The following JMJD1C variants were observed in gnomAD, a reference collection of about 807,000 sequenced individuals.
The protein encoded by JMJD1C is jumonji domain-containing protein 1C.
JMJD1C carries 31 observed loss-of-function variants against 245.3 expected under a neutral mutation model. The ratio of observed to expected loss-of-function variants is 0.13; its 90% confidence interval spans 0.09 to 0.17. The LOEUF (loss-of-function observed/expected upper bound fraction) is 0.17. JMJD1C is among the 10% of genes least tolerant of loss of function. JMJD1C has a pLI of 1.00. For synonymous variants in JMJD1C, 1,057 were observed against 1,017.4 expected, an observed-to-expected ratio of 1.04 and a Z score of -0.74; for missense variants, 2,691 against 3,000.2, an observed-to-expected ratio of 0.90 and a Z score of 2.41.
At chr10:63,396,317 G>T (rs1327678791) in intron 1 of JMJD1C, among the ~76,000 whole-genome samples, 2 of 152,124 alleles carry the variant, frequency 1.3e-5, no homozygotes, top group Non-Finnish European at 2.9e-5. Flanking sequence ...GAAGATTACT[G>T]AACTTATACC....
At chr10:63,397,415 G>A (rs1948576647) in intron 1 of JMJD1C, among the ~76,000 whole-genome samples, 1 of 151,998 alleles carries the variant, frequency 6.6e-6, no homozygotes, top group African/African-American at 2.4e-5. Flanking sequence ...GTTTCTCCTT[G>A]TTGGCCAGGC....
At chr10:63,334,941 C>T (rs1257548942) in intron 2 of JMJD1C, among the ~76,000 whole-genome samples, 1 of 149,390 alleles carries the variant, frequency 6.7e-6, no homozygotes, top group African/African-American at 2.5e-5. Context: ...CTCCTGACCT[C>T]AGGTGATCCT....
chr10:63,445,016 C>T (rs1951621714), intron 1 of JMJD1C, among the ~76,000 whole-genome samples: 1 of 151,942 alleles, frequency 6.6e-6, no homozygotes, highest in Non-Finnish European at 1.5e-5. Flanking sequence ...CGCTTGAGGC[C>T]AGGAGTTCAA....
chr10:63,228,346 T>C (rs1849556259), intron 3 of JMJD1C, among the ~76,000 whole-genome samples: 1 of 152,190 alleles, frequency 6.6e-6, no homozygotes, highest in East Asian at 1.9e-4. Flanking sequence ...TGAGTTTTTT[T>C]CAACTGTTTA....
chr10:63,361,243 C>T (rs1247839216), intron 2 of JMJD1C, among the ~76,000 whole-genome samples: 2 of 151,950 alleles, frequency 1.3e-5, no homozygotes, highest in African/African-American at 4.8e-5. Flanking sequence ...GCCAACATGG[C>T]GAAACCCTGT....
At chr10:63,172,183 T>G (rs1173981243) in intron 24 of JMJD1C, among the ~76,000 whole-genome samples, 1 of 152,228 alleles carries the variant, frequency 6.6e-6, no homozygotes, top group Non-Finnish European at 1.5e-5. Context: ...TCATATATGC[T>G]GCCTTGGTGT....
At chr10:63,194,456 TA>T in intron 13 of JMJD1C, 81 bp from the exon 14 acceptor site, 1 of 940,820 alleles carries the variant, frequency 1.1e-6, no homozygotes, top group Non-Finnish European at 1.7e-6. Flanking sequence ...AACGATTATA[TA>T]AAATGTTTCA....
intron 23 of JMJD1C, 49 bp downstream of exon 23, chr10:63,177,667 AT>A: frequency 6.3e-7 from 1 of 1,592,004 alleles, no homozygotes; most frequent in South Asian, 1.1e-5. Context: ...GCAACAATGA[AT>A]AAGTCCTTGC....
chr10:63,208,021 G>T lies in JMJD1C; in HGVS notation c.3648C>A (p.Ser1216Arg). Residue 1216 changes from serine (S) to arginine (R), a missense_variant, in exon 10 of 26, where the codon AGC (serine) becomes AGA (arginine). Transcript: ENST00000399262. ...APVFHPPIHHSLERKEGSYSS... is the reference protein window; with the variant it reads ...APVFHPPIHHRLERKEGSYSS... ...TATAGCTGCCTTCCTTTCTTTCCAG[G>T]CTGTGATGGATTGGTGGGTGAAATA... is the stretch of plus-strand genomic sequence containing the variant. 6.2e-7 allele frequency: 1 copy of T among 1,614,148 alleles called. No homozygotes were observed. The highest frequency in any genetic ancestry group is 8.5e-7 in the Non-Finnish European group (1 of 1,180,008).
chr10:63,353,040 G>C (rs1343516425), intron 2 of JMJD1C, among the ~76,000 whole-genome samples: 4 of 152,076 alleles, frequency 2.6e-5, no homozygotes, highest in African/African-American at 4.8e-5. Context: ...AGAGACTGAT[G>C]GTCATCAAAC....
intron 2 of JMJD1C, among the ~76,000 whole-genome samples, chr10:63,280,962 C>CTTTTT (rs200324748): frequency 3.5e-5 from 5 of 143,818 alleles, no homozygotes; most frequent in East Asian, 4.0e-4. Flanking sequence ...ACCTCTTTTT[C>CTTTTT]TTTTTTTTTT....
intron 15 of JMJD1C, 64 bp from the exon 16 acceptor site, chr10:63,193,215 T>C (rs1345723509): frequency 2.0e-6 from 3 of 1,495,318 alleles, no homozygotes; most frequent in Middle Eastern, 2.0e-4. Context: ...GTAGTATAGA[T>C]ACAAAAAATT....
chr10:63,252,320 G>T, intron 3 of JMJD1C, among the ~76,000 whole-genome samples: 1 of 152,196 alleles, frequency 6.6e-6, no homozygotes, highest in Non-Finnish European at 1.5e-5. Context: ...TGCTCTGGAA[G>T]TATTTTTAGA....
chr10:63,507,925 AT>A (rs1441748908), intron 1 of JMJD1C, among the ~76,000 whole-genome samples: 2 of 152,234 alleles, frequency 1.3e-5, no homozygotes, highest in East Asian at 3.9e-4. Flanking sequence ...GGTTGTTTAT[AT>A]TCTTACTGTT....
chr10:63,389,531 C>T (rs1947889470), intron 1 of JMJD1C, among the ~76,000 whole-genome samples: 1 of 150,406 alleles, frequency 6.6e-6, no homozygotes, highest in Admixed American at 6.6e-5. Flanking sequence ...ATTTAAACTG[C>T]ACATTAGACC....
intron 1 of JMJD1C, among the ~76,000 whole-genome samples, chr10:63,412,871 A>T (rs1949568762): frequency 6.6e-6 from 1 of 152,184 alleles, no homozygotes; most frequent in Non-Finnish European, 1.5e-5. Context: ...TCTCTAAAAT[A>T]TTTTGCAATA....
chr10:63,182,764 G>C (rs1175774039), intron 22 of JMJD1C, among the ~76,000 whole-genome samples: 1 of 152,098 alleles, frequency 6.6e-6, no homozygotes, highest in Non-Finnish European at 1.5e-5. Flanking sequence ...TTTTACTGGA[G>C]GGGAAAAAAG....
At chr10:63,428,904 A>C (rs1950592913) in intron 1 of JMJD1C, among the ~76,000 whole-genome samples, 1 of 152,200 alleles carries the variant, frequency 6.6e-6, no homozygotes, top group African/African-American at 2.4e-5. Context: ...ATGTAGCTAC[A>C]CAAAGAACCA....
At chr10:63,433,967 A>C (rs945747052) in intron 1 of JMJD1C, among the ~76,000 whole-genome samples, 5 of 152,084 alleles carry the variant, frequency 3.3e-5, no homozygotes, top group Non-Finnish European at 7.4e-5. Context: ...CTAAACTAGG[A>C]ATCATTTCAG....
Sources: allele counts gnomAD v4.1 joint callset (sites outside exome capture counted in the v4.1 genomes callset), GRCh38; gene constraint gnomAD v4.1.1; transcripts MANE v1.5; gene names NCBI Gene and HGNC (gene_info 2026-07-23, HGNC 2026-07-21).